Variants in HEATR4 observed in about 807,000 individuals in gnomAD.
HEATR4 encodes HEAT repeat-containing protein 4.
Under a neutral mutation model 108.8 loss-of-function variants are expected in HEATR4, and 95 were observed. The ratio of observed to expected loss-of-function variants is 0.87; its 90% confidence interval spans 0.74 to 1.04. The LOEUF is 1.04. Ranked by LOEUF, HEATR4 falls within the 50% of genes least tolerant of loss-of-function variation. The pLI, the probability that HEATR4 is intolerant of heterozygous loss-of-function variation, is 0.00. For synonymous variants in HEATR4, 443 were observed against 459.4 expected, an observed-to-expected ratio of 0.96 and a Z score of 0.46; for missense variants, 1,152 against 1,253.8, an observed-to-expected ratio of 0.92 and a Z score of 1.23.
At position 73,506,544 on chromosome 14, in the gene HEATR4, C is replaced by T. The variant is rs1886840731; in HGVS notation, c.1909G>A (p.Glu637Lys). 6.2e-7 allele frequency: 1 copy of T among 1,613,504 alleles called. No individual in the cohort carries two copies. The highest frequency in any genetic ancestry group is 8.5e-7 in the Non-Finnish European group (1 of 1,179,946). ...TTCTTCCATTGACAGCTGTTCAGCT[C>T]CACAGCAAGCATGGTGTGTATCAGG... ...TTLIHTMLAV[E>K]LNSCQWKNRI... Residue 637 changes from glutamate to lysine, a missense_variant, in exon 10 of 18, where the codon GAG (glutamate) becomes AAG (lysine). Physicochemically the swap from Glu to Lys is moderately conservative, Grantham distance 56. Transcript: ENST00000553558.
At chr14:73,565,826 T>C in the HEATR4 span, among the ~76,000 whole-genome samples, 3 of 152,016 alleles carry the variant, frequency 2.0e-5, no homozygotes, top group Non-Finnish European at 4.4e-5. Context: ...TAAGATTTAT[T>C]GCAAAGAACG....
chr14:73,512,111 G>A lies in HEATR4; in HGVS notation c.1453C>T (p.Gln485Ter). Reference protein sequence around the residue: ...WHHETVENLLQSLGDLHDDVR... With the variant: ...WHHETVENLL Reference sequence around the variant, plus strand: ...TCATCATGCAGGTCTCCCAAGCTCTGAAGCAGGTTCTCTACTGTCTCATGG... The same window carrying A: ...TCATCATGCAGGTCTCCCAAGCTCTAAAGCAGGTTCTCTACTGTCTCATGG... Residue 485 changes from glutamine to a stop codon, truncating the protein, a stop_gained, in exon 7 of 18, where the codon CAG becomes TAG. Coordinates refer to ENST00000553558, the MANE Select transcript of HEATR4 (RefSeq NM_001220484.1). LOFTEE classifies it high-confidence loss of function. The A allele has an allele frequency of 1.9e-6, 3 of 1,614,172 alleles. No homozygotes were observed. Among genetic ancestry groups the A allele is most frequent in the Non-Finnish European group, 2.5e-6 (3 of 1,180,026 alleles).
At chr14:73,598,699 T>G in the HEATR4 span, among the ~76,000 whole-genome samples, 1 of 152,024 alleles carries the variant, frequency 6.6e-6, no homozygotes, top group African/African-American at 2.4e-5. Flanking sequence ...AAACCCCATC[T>G]CTACTAAAAA....
chr14:73,617,765 A>C, the HEATR4 span, among the ~76,000 whole-genome samples: 5 of 152,296 alleles, frequency 3.3e-5, no homozygotes, highest in African/African-American at 9.6e-5. Flanking sequence ...GATTATATGA[A>C]GTAATCATTA....
chr14:73,628,217 G>T, the HEATR4 span, among the ~76,000 whole-genome samples: 1 of 152,322 alleles, frequency 6.6e-6, no homozygotes, highest in East Asian at 1.9e-4. Context: ...AAGACAACAC[G>T]TTGGAGATTC....
At chr14:73,490,441 A>G (rs1373812566) in intron 17 of HEATR4, among the ~76,000 whole-genome samples, 3 of 152,122 alleles carry the variant, frequency 2.0e-5, no homozygotes, top group African/African-American at 7.2e-5. Context: ...CAGCCTCCCG[A>G]GTAGCCGGGA....
chr14:73,511,101 G>A (rs1595115230), intron 7 of HEATR4, among the ~76,000 whole-genome samples: 1 of 152,202 alleles, frequency 6.6e-6, no homozygotes, highest in South Asian at 2.1e-4. Flanking sequence ...CAAGTAGGAA[G>A]GGGAAAGGTT....
the HEATR4 span, chr14:73,592,528 A>G: frequency 7.8e-7 from 1 of 1,280,924 alleles, no homozygotes; most frequent in African/African-American, 1.5e-5. Flanking sequence ...AGAAGCTAAC[A>G]TTGACTATGT....
chr14:73,529,354 C>CA (rs10605851), intron 2 of HEATR4, among the ~76,000 whole-genome samples: 31,692 of 87,214 alleles, frequency 0.36, 5,897 homozygotes, highest in Non-Finnish European at 0.39. Flanking sequence ...GACTCTGTCT[C>CA]AAAAAAAAAA....
intron 14 of HEATR4, among the ~76,000 whole-genome samples, chr14:73,497,393 A>G (rs1157544545): frequency 1.3e-5 from 2 of 152,168 alleles, no homozygotes; most frequent in African/African-American, 4.8e-5. Context: ...CACCTTTATG[A>G]CAGGCGCTAA....
chr14:73,574,875 A>C, the HEATR4 span: 3 of 1,613,392 alleles, frequency 1.9e-6, no homozygotes, highest in Non-Finnish European at 8.5e-7. Context: ...TTGTGGAATC[A>C]TTCTTCTTCT....
the HEATR4 span, among the ~76,000 whole-genome samples, chr14:73,570,903 TA>T: frequency 0.39 from 54,139 of 137,286 alleles, 10,631 homozygotes; most frequent in Middle Eastern, 0.44. Flanking sequence ...GACTCTATCT[TA>T]AAAAAAAAAA....
chr14:73,520,624 A>G, intron 4 of HEATR4: 1 of 437,580 alleles, frequency 2.3e-6, no homozygotes, highest in Non-Finnish European at 4.0e-6. Flanking sequence ...CCTCTTTAGT[A>G]AGATAGAGGG....
At chr14:73,580,113 T>C in the HEATR4 span, among the ~76,000 whole-genome samples, 41 of 151,802 alleles carry the variant, frequency 2.7e-4, no homozygotes, top group Non-Finnish European at 5.5e-4. Flanking sequence ...ATAAAAAGTA[T>C]ACAAAGTGAT....
chr14:73,546,497 G>C (rs555206934), intron 1 of HEATR4, among the ~76,000 whole-genome samples: 1 of 111,732 alleles, frequency 8.9e-6, no homozygotes, highest in African/African-American at 2.9e-5. Context: ...CTGAGTAGCT[G>C]GGACTGCAGA....
At chr14:73,520,688 G>C (rs141573728) in intron 4 of HEATR4, 164 bp downstream of exon 4, 1 of 633,558 alleles carries the variant, frequency 1.6e-6, no homozygotes, top group East Asian at 2.7e-5. Context: ...ATCACTCCCC[G>C]ACCCAACTCC....
chr14:73,544,375 TGA>T (rs1318368965), intron 1 of HEATR4, among the ~76,000 whole-genome samples: 2 of 115,970 alleles, frequency 1.7e-5, no homozygotes, highest in African/African-American at 5.6e-5. Context: ...ATATCAGATT[TGA>T]GTTTCTCCTT....
At chr14:73,546,442 C>T (rs537220546) in intron 1 of HEATR4, among the ~76,000 whole-genome samples, 1 of 109,714 alleles carries the variant, frequency 9.1e-6, no homozygotes, top group African/African-American at 3.0e-5. Flanking sequence ...CAGCTCACTA[C>T]AGTCTTGATC....
At chr14:73,506,391 G>T in intron 10 of HEATR4, 76 bp downstream of exon 10, 1 of 963,342 alleles carries the variant, frequency 1.0e-6, no homozygotes, top group East Asian at 2.4e-5. Context: ...ATAATACATA[G>T]CAGCAAAAAG....
Sources: allele counts gnomAD v4.1 joint callset (sites outside exome capture counted in the v4.1 genomes callset), GRCh38; gene constraint gnomAD v4.1.1; transcripts MANE v1.5; gene names NCBI Gene and HGNC (gene_info 2026-07-23, HGNC 2026-07-21).